The following LAMP3 variants were observed in gnomAD, a reference collection of about 807,000 sequenced individuals.
LAMP3 encodes the protein lysosome associated membrane protein 3.
A neutral mutation model predicts 34.8 loss-of-function variants in LAMP3; 26 were observed. That is an observed-to-expected ratio of 0.75 (90% CI 0.55 to 1.04). The LOEUF is 1.04. Ranked by LOEUF, LAMP3 falls within the 50% of genes least tolerant of loss-of-function variation. The pLI is 0.00. For synonymous variants in LAMP3, 180 were observed against 201.9 expected (o/e 0.89, Z 0.92); for missense variants, 495 against 524.0 (o/e 0.94, Z 0.54).
At chr3:183,137,725 T>C (rs1438029656) in intron 4 of LAMP3, among the ~76,000 whole-genome samples, 1 of 152,174 alleles carries the variant, frequency 6.6e-6, no homozygotes, top group Non-Finnish European at 1.5e-5. Flanking sequence ...TGTGACTCCT[T>C]GAGTTCCTGC....
At chr3:183,132,392 T>G in intron 5 of LAMP3, 1 of 971,758 alleles carries the variant, frequency 1.0e-6, no homozygotes, top group African/African-American at 1.8e-5. Context: ...AATGCATTGG[T>G]TTTTTTAAAG....
intron 5 of LAMP3, among the ~76,000 whole-genome samples, chr3:183,125,387 T>C (rs527972535): frequency 6.6e-6 from 1 of 152,312 alleles, no homozygotes; most frequent in African/African-American, 2.4e-5. Context: ...TAATTAAAGA[T>C]TCCAGGAAAA....
At chr3:183,143,286 A>AT (rs75262683) in intron 3 of LAMP3, among the ~76,000 whole-genome samples, 4,017 of 152,198 alleles carry the variant, frequency 0.026, 156 homozygotes, top group African/African-American at 0.081. Context: ...TTTAAAAAAA[A>AT]TTTTTTTATA....
At chr3:183,162,188 T>TAAA (rs71185636) in intron 1 of LAMP3, among the ~76,000 whole-genome samples, 11,316 of 143,974 alleles carry the variant, frequency 0.079, 460 homozygotes, top group Middle Eastern at 0.13. Flanking sequence ...AATGATCATT[T>TAAA]AAAAAAAAAA....
At chr3:183,162,809 A>T, upstream of LAMP3, 1 of 675,026 alleles carries the variant, frequency 1.5e-6, no homozygotes, top group African/African-American at 1.9e-5. Context: ...GGGGAGGGAA[A>T]CTCCGCCGGC....
At position 183,123,746 on chromosome 3, in the gene LAMP3, A is replaced by T. The variant is rs1719720575; in HGVS notation, c.*335T>A. On this transcript the variant is annotated 3_prime_UTR_variant, in exon 6 of 6. Coordinates refer to ENST00000265598, the MANE Select transcript of LAMP3 (RefSeq NM_014398.4). ...TGCACACACAGTAGTATTAGTTACA[A>T]TTGACCCTTGGTTTATAATTTGAAG... is the stretch of plus-strand genomic sequence containing the variant. 2 of 268,850 alleles carry T rather than the reference A, an allele frequency of 7.4e-6. No homozygotes were observed. The highest frequency in any genetic ancestry group is 1.4e-5 in the Non-Finnish European group (2 of 139,408). The allele number at this position is 268,850 out of a possible 1,614,324, so 16.7% of individuals were successfully genotyped here. A position where few individuals can be genotyped will look rare whatever the true frequency, so the allele number is the denominator to read the frequency against.
At chr3:183,141,171 T>C (rs1217255020) in intron 3 of LAMP3, among the ~76,000 whole-genome samples, 1 of 152,182 alleles carries the variant, frequency 6.6e-6, no homozygotes, top group Non-Finnish European at 1.5e-5. Context: ...CACAGATTAA[T>C]GGGTCTATGT....
chr3:183,152,747 G>A (rs1265408224), intron 2 of LAMP3, among the ~76,000 whole-genome samples: 1 of 152,190 alleles, frequency 6.6e-6, no homozygotes, highest in African/African-American at 2.4e-5. Flanking sequence ...TTCCTGATAA[G>A]CTGCATGGAA....
Position 183,162,718 on chromosome 3 carries a change from C to CA in LAMP3, c.-64dup. On this transcript the variant is annotated 5_prime_UTR_variant, in exon 1 of 6. Transcript: ENST00000265598. ...GTCCGGGCAGGCCCCGAATCGGTGC[C>CA]AGAGAAACCTACCTGTGCCGGAGAA... 2 of 1,408,904 alleles carry CA rather than the reference C, an allele frequency of 1.4e-6. No homozygotes were observed. The highest frequency in any genetic ancestry group is 1.9e-6 in the Non-Finnish European group (2 of 1,069,006). The allele number at this position is 1,408,904 out of a possible 1,614,324, so 87.3% of individuals were successfully genotyped here. A position where few individuals can be genotyped will look rare whatever the true frequency, so the allele number is the denominator to read the frequency against.
rs765448189 is a variant in LAMP3, at chr3:183,162,682, C to T, written c.-27G>A. On this transcript the variant is annotated 5_prime_UTR_variant, in exon 1 of 6. Coordinates refer to ENST00000265598, the MANE Select transcript of LAMP3 (RefSeq NM_014398.4). ...GTGGGCGCTGGGCGAGGTTCTGCAGCGTGCGGCGAAGTCCGGGCAGGCCCC... is the reference window on the plus strand; with the variant it reads ...GTGGGCGCTGGGCGAGGTTCTGCAGTGTGCGGCGAAGTCCGGGCAGGCCCC... 32 of 1,506,834 alleles carry T rather than the reference C, an allele frequency of 2.1e-5. No homozygotes were observed. The Admixed American group carries it at 3.2e-4, about 15-fold the overall frequency. 93.3% of individuals were successfully genotyped at this position (1,506,834 alleles called of 1,614,324 possible).
chr3:183,156,417 C>T (rs1340670751), intron 1 of LAMP3, among the ~76,000 whole-genome samples: 1 of 152,028 alleles, frequency 6.6e-6, no homozygotes, highest in East Asian at 1.9e-4. Context: ...TGTGGTCAGG[C>T]ACACTGAGAG....
At chr3:183,163,230 A>G (rs900940585), upstream of LAMP3, among the ~76,000 whole-genome samples, 2 of 149,980 alleles carry the variant, frequency 1.3e-5, no homozygotes, top group Non-Finnish European at 3.0e-5. Context: ...TGCTGGGATT[A>G]TAGACGTGAG....
intron 1 of LAMP3, among the ~76,000 whole-genome samples, chr3:183,160,046 C>T: frequency 6.6e-6 from 1 of 152,214 alleles, no homozygotes; most frequent in East Asian, 1.9e-4. Flanking sequence ...AGCACTCCCA[C>T]ACTAGAACTG....
Position 183,162,544 on chromosome 3 carries a change from G to A in LAMP3, c.49+63C>T, listed in dbSNP as rs1721008288. On this transcript the variant is annotated intron_variant, in intron 1 of 5. Transcript: ENST00000265598. ...CCTGTGGCGCCCGGGACTCCAGAGTGCGTTTAGATGAAAGGGGACCGACAC... is the reference window on the plus strand; with the variant it reads ...CCTGTGGCGCCCGGGACTCCAGAGTACGTTTAGATGAAAGGGGACCGACAC... 5.4e-6 allele frequency: 8 copies of A among 1,484,188 alleles called. No homozygotes were observed. The South Asian group carries it at 8.5e-5, about 16-fold the overall frequency. 91.9% of individuals were successfully genotyped at this position (1,484,188 alleles called of 1,614,324 possible).
intron 5 of LAMP3, among the ~76,000 whole-genome samples, chr3:183,130,566 C>T (rs535682017): frequency 6.7e-4 from 102 of 152,248 alleles, no homozygotes; most frequent in African/African-American, 8.9e-4. Context: ...GCGTGGCAGT[C>T]GAGATACTCC....
rs1007546627 is a variant in LAMP3 at position 183,122,431 on chromosome 3, A to G, written c.*1650T>C. 6.6e-6 allele frequency: 1 copy of G among 152,200 alleles called. No homozygotes were observed. The highest frequency in any genetic ancestry group is 1.5e-5 in the Non-Finnish European group (1 of 68,026). The allele number at this position is 152,200 out of a possible 1,614,324, so 9.4% of individuals were successfully genotyped here. A position where few individuals can be genotyped will look rare whatever the true frequency, so the allele number is the denominator to read the frequency against. ...ACTTAGTTCCTTTCTTTAGCAGCAA[A>G]AAAAACAGCAGAAATAAAATTCTTG... On this transcript the variant is annotated 3_prime_UTR_variant, in exon 6 of 6. Transcript: ENST00000265598.
chr3:183,140,942 T>C (rs1378543708), intron 3 of LAMP3, among the ~76,000 whole-genome samples: 1 of 152,188 alleles, frequency 6.6e-6, no homozygotes, highest in Non-Finnish European at 1.5e-5. Flanking sequence ...AGCAGGAGCA[T>C]ATATTAAGTG....
rs1396708987 is a variant in LAMP3, at chr3:183,162,697, G to A, written c.-42C>T. On this transcript the variant is annotated 5_prime_UTR_variant, in exon 1 of 6. Coordinates refer to ENST00000265598, the MANE Select transcript of LAMP3 (RefSeq NM_014398.4). ...GGTTCTGCAGCGTGCGGCGAAGTCC[G>A]GGCAGGCCCCGAATCGGTGCCAGAG... 3.4e-6 allele frequency: 5 copies of A among 1,487,482 alleles called. No individual in the cohort carries two copies. The highest frequency in any genetic ancestry group is 1.8e-4 in the Middle Eastern group (1 of 5,684). 92.1% of individuals were successfully genotyped at this position (1,487,482 alleles called of 1,614,324 possible).
At chr3:183,145,556 T>A (rs758443714) in intron 3 of LAMP3, among the ~76,000 whole-genome samples, 8 of 152,148 alleles carry the variant, frequency 5.3e-5, no homozygotes, top group African/African-American at 1.2e-4. Flanking sequence ...TATTTCAATT[T>A]AAAAAACTAC....
Sources: allele counts gnomAD v4.1 joint callset (sites outside exome capture counted in the v4.1 genomes callset), GRCh38; gene constraint gnomAD v4.1.1; transcripts MANE v1.5; gene names NCBI Gene and HGNC (gene_info 2026-07-23, HGNC 2026-07-21).